Variants in PALLD observed in about 807,000 individuals in gnomAD.
PALLD encodes the protein palladin.
In PALLD, 61 loss-of-function variants were observed where a neutral mutation model predicts 123.5. The observed-to-expected ratio is 0.49, with a 90% CI of 0.40 to 0.61. The LOEUF (loss-of-function observed/expected upper bound fraction) is 0.61, where lower values mean the gene tolerates loss of function less well. PALLD is among the 20% of genes least tolerant of loss of function. The pLI, the probability that PALLD is intolerant of heterozygous loss-of-function variation, is 0.00. For missense variants in PALLD, 1,273 were observed against 1,377.0 expected (o/e 0.92, Z 1.20); for synonymous variants, 465 against 496.4 (o/e 0.94, Z 0.84).
chr4:168,567,320 TC>T (rs1371971788), intron 2 of PALLD, among the ~76,000 whole-genome samples: 2 of 151,270 alleles, frequency 1.3e-5, no homozygotes, highest in African/African-American at 4.9e-5. Flanking sequence ...CTCAAACAAC[TC>T]AATAAGAAAT....
At chr4:168,705,110 A>G (rs1232304242) in intron 8 of PALLD, among the ~76,000 whole-genome samples, 2 of 148,674 alleles carry the variant, frequency 1.3e-5, no homozygotes, top group African/African-American at 4.9e-5. Context: ...TGCGTTTTTA[A>G]GACAGCACAA....
At chr4:168,646,646 T>C (rs1351182258) in intron 2 of PALLD, among the ~76,000 whole-genome samples, 1 of 152,208 alleles carries the variant, frequency 6.6e-6, no homozygotes, top group Non-Finnish European at 1.5e-5. Flanking sequence ...ACCACACAGC[T>C]TGGGGCCTCT....
intron 2 of PALLD, among the ~76,000 whole-genome samples, chr4:168,560,740 T>C (rs1016099104): frequency 2.0e-5 from 3 of 152,180 alleles, no homozygotes; most frequent in African/African-American, 7.2e-5. Flanking sequence ...GGTACTGTCA[T>C]AAGCACCAAA....
At chr4:168,533,237 A>T (rs954638042) in intron 2 of PALLD, among the ~76,000 whole-genome samples, 27 of 152,282 alleles carry the variant, frequency 1.8e-4, no homozygotes, top group African/African-American at 5.3e-4. Context: ...TATTTTAAAA[A>T]TATCTTTCCC....
intron 10 of PALLD, among the ~76,000 whole-genome samples, chr4:168,816,989 A>G (rs1269825023): frequency 1.3e-5 from 2 of 152,108 alleles, no homozygotes; most frequent in African/African-American, 4.8e-5. Context: ...TGAGTGCTGA[A>G]GTATTTCAGA....
chr4:168,540,033 A>G (rs886220017), intron 2 of PALLD, among the ~76,000 whole-genome samples: 2 of 151,192 alleles, frequency 1.3e-5, no homozygotes, highest in African/African-American at 4.9e-5. Flanking sequence ...ATACTTTTTT[A>G]TGATGTAAAC....
intron 2 of PALLD, among the ~76,000 whole-genome samples, chr4:168,550,975 G>A (rs1297005924): frequency 3.9e-5 from 6 of 152,172 alleles, no homozygotes; most frequent in Admixed American, 3.3e-4. Context: ...CTTCTACAAA[G>A]TTTGCAGTTG....
At chr4:168,849,435 AG>A (rs1747411502) in intron 10 of PALLD, among the ~76,000 whole-genome samples, 1 of 152,228 alleles carries the variant, frequency 6.6e-6, no homozygotes, top group African/African-American at 2.4e-5. Flanking sequence ...TAGCTGCAGA[AG>A]AAAAAGGAGA....
chr4:168,500,731 C>G lies in PALLD; in HGVS notation c.-83+3537C>G, dbSNP rs569995265. On this transcript the variant is annotated intron_variant, in intron 1 of 21. Transcript: ENST00000505667. ...GAGGATTCTCCCAAATATCATAGAG[C>G]TGGCTTTCAGGTAATCTATCCCCAA... Among the ~76,000 whole-genome samples the G allele has an allele frequency of 3.9e-5, 6 of 152,232 alleles. No homozygotes were observed. The South Asian group carries it at 1.2e-3, about 32-fold the overall frequency.
intron 2 of PALLD, among the ~76,000 whole-genome samples, chr4:168,638,827 G>T (rs76770045): frequency 7.9e-5 from 12 of 151,998 alleles, no homozygotes; most frequent in Non-Finnish European, 1.8e-4. Flanking sequence ...ATTTGGGAGG[G>T]GGGGCGGGCC....
intron 10 of PALLD, among the ~76,000 whole-genome samples, chr4:168,810,544 T>G (rs1430378072): frequency 2.0e-5 from 3 of 151,856 alleles, no homozygotes; most frequent in African/African-American, 7.3e-5. Context: ...TAATCCCAGC[T>G]ACTCAGGAGG....
At chr4:168,769,897 A>G (rs899738521) in intron 10 of PALLD, among the ~76,000 whole-genome samples, 8 of 152,254 alleles carry the variant, frequency 5.3e-5, no homozygotes, top group East Asian at 1.9e-4. Context: ...AAACACTGCT[A>G]TTAAAATATT....
chr4:168,581,170 G>T (rs2149652152), intron 2 of PALLD, among the ~76,000 whole-genome samples: 1 of 152,148 alleles, frequency 6.6e-6, no homozygotes, highest in Non-Finnish European at 1.5e-5. Context: ...TCCTTAGGTT[G>T]TTTCCAAATC....
intron 2 of PALLD, among the ~76,000 whole-genome samples, chr4:168,544,877 A>C (rs141543662): frequency 1.0e-3 from 154 of 152,280 alleles, no homozygotes; most frequent in African/African-American, 3.5e-3. Flanking sequence ...TCCCCAGGGA[A>C]ACAACGTAAA....
intron 10 of PALLD, among the ~76,000 whole-genome samples, chr4:168,835,030 A>G (rs1027975444): frequency 3.9e-5 from 6 of 152,202 alleles, no homozygotes; most frequent in African/African-American, 1.4e-4. Context: ...TTCAAGGGGA[A>G]ATTATTAGCG....
At chr4:168,825,343 T>C (rs1392552675) in intron 10 of PALLD, among the ~76,000 whole-genome samples, 1 of 152,250 alleles carries the variant, frequency 6.6e-6, no homozygotes, top group African/African-American at 2.4e-5. Flanking sequence ...TAAAGATATA[T>C]ACTGCAAAAT....
In PALLD at chr4:168,878,065, G is replaced by A. The variant is rs952110792; in HGVS notation, c.1965-12857G>A. 1.2e-5 allele frequency: 18 copies of A among 1,469,412 alleles called. No homozygotes were observed. The African/African-American group carries it at 1.8e-4, about 14-fold the overall frequency. The allele number at this position is 1,469,412 out of a possible 1,614,324, so 91.0% of individuals were successfully genotyped here. A position where few individuals can be genotyped will look rare whatever the true frequency, so the allele number is the denominator to read the frequency against. On this transcript the variant is annotated intron_variant, in intron 10 of 21. Coordinates refer to ENST00000505667, the MANE Select transcript of PALLD (RefSeq NM_001166108.2). Reference sequence around the variant, plus strand: ...TCCCGTCGCCCATGTCCCCGACGCCGAGGCAGTTCGGCCGCGCCCCCGTGC... The same window carrying A: ...TCCCGTCGCCCATGTCCCCGACGCCAAGGCAGTTCGGCCGCGCCCCCGTGC...
intron 10 of PALLD, among the ~76,000 whole-genome samples, chr4:168,748,585 C>A (rs1214774488): frequency 6.6e-6 from 1 of 152,188 alleles, no homozygotes; most frequent in Non-Finnish European, 1.5e-5. Context: ...GGAATCCAAG[C>A]ATAGGTTAGC....
intron 2 of PALLD, among the ~76,000 whole-genome samples, chr4:168,597,349 T>C (rs543547076): frequency 1.3e-5 from 2 of 152,122 alleles, no homozygotes; most frequent in South Asian, 4.1e-4. Context: ...CTGAAACTCA[T>C]ACAGTTTTGG....
Sources: gnomAD v4.1 joint callset for allele counts (sites outside exome capture counted in the v4.1 genomes callset) on GRCh38, gnomAD v4.1.1 for gene constraint, MANE v1.5 for transcripts, NCBI Gene and HGNC (gene_info 2026-07-23, HGNC 2026-07-21) for gene names.